The following RABGAP1L variants were observed in gnomAD, a reference collection of about 807,000 sequenced individuals.
RABGAP1L encodes the protein rab GTPase-activating protein 1-like.
A neutral mutation model predicts 137.7 loss-of-function variants in RABGAP1L; 63 were observed. The ratio of observed to expected loss-of-function variants is 0.46; its 90% CI spans 0.37 to 0.56. RABGAP1L has a LOEUF of 0.56. RABGAP1L is among the 20% of genes least tolerant of loss of function. The pLI is 0.00. For missense variants in RABGAP1L, 1,095 were observed against 1,244.0 expected (o/e 0.88, Z 1.80); for synonymous variants, 431 against 433.7 (o/e 0.99, Z 0.08).
chr1:174,595,966 T>C (rs1572438912), intron 13 of RABGAP1L, among the ~76,000 whole-genome samples: 1 of 102,490 alleles, frequency 9.8e-6, no homozygotes, highest in Non-Finnish European at 1.8e-5. Flanking sequence ...CGTTGCCGCC[T>C]TGCAGTTTGA....
chr1:174,360,976 G>A (rs1684088133), intron 11 of RABGAP1L, among the ~76,000 whole-genome samples: 1 of 152,186 alleles, frequency 6.6e-6, no homozygotes, highest in Non-Finnish European at 1.5e-5. Context: ...CTAACACGGT[G>A]AAACGCCGTC....
intron 13 of RABGAP1L, among the ~76,000 whole-genome samples, chr1:174,596,611 C>A (rs1175315098): frequency 6.6e-6 from 1 of 152,024 alleles, no homozygotes; most frequent in Non-Finnish European, 1.5e-5. Flanking sequence ...CTAATAATTT[C>A]TTGATTAAGT....
At chr1:174,175,623 C>CTTT (rs770897839) in intron 1 of RABGAP1L, among the ~76,000 whole-genome samples, 10 of 122,330 alleles carry the variant, frequency 8.2e-5, no homozygotes, top group Non-Finnish European at 8.4e-5. Flanking sequence ...CGCCCGGCTA[C>CTTT]TTTTTTTTTT....
intron 19 of RABGAP1L, among the ~76,000 whole-genome samples, chr1:174,814,445 T>G (rs930148083): frequency 1.1e-4 from 16 of 152,124 alleles, no homozygotes; most frequent in Non-Finnish European, 1.6e-4. Context: ...AGTGAATGAT[T>G]GTGAGGCAGA....
intron 7 of RABGAP1L, among the ~76,000 whole-genome samples, chr1:174,254,479 C>T (rs1672957335): frequency 6.6e-6 from 1 of 152,116 alleles, no homozygotes; most frequent in Non-Finnish European, 1.5e-5. Context: ...CTAATGCTCT[C>T]CCTTCCCTTG....
intron 11 of RABGAP1L, among the ~76,000 whole-genome samples, chr1:174,305,914 C>A (rs993555282): frequency 3.9e-5 from 6 of 152,110 alleles, no homozygotes; most frequent in Non-Finnish European, 8.8e-5. Context: ...ATCCCTCCCC[C>A]CTCCTCCCAC....
chr1:174,334,630 A>G (rs547806077), intron 11 of RABGAP1L, among the ~76,000 whole-genome samples: 32 of 152,148 alleles, frequency 2.1e-4, no homozygotes, highest in Non-Finnish European at 4.3e-4. Flanking sequence ...CCTCTGGGCT[A>G]TTGCACTTGC....
In RABGAP1L at chr1:174,250,945, C is replaced by T. The variant is rs1471134368; in HGVS notation, c.875+313C>T. Among the ~76,000 whole-genome samples, 9 of 152,126 alleles carry T rather than the reference C, an allele frequency of 5.9e-5. No individual in the cohort carries two copies. The East Asian group carries it at 9.6e-4, about 16-fold the overall frequency. On this transcript the variant is annotated intron_variant, in intron 6 of 25. Coordinates refer to ENST00000681986, the MANE Select transcript of RABGAP1L (RefSeq NM_001366446.1). ...CCTCCTAAGTAGCTGGGATTACAGGCGCCTGCCACCATGCCTGGCTCATTT... is the reference window on the plus strand; with the variant it reads ...CCTCCTAAGTAGCTGGGATTACAGGTGCCTGCCACCATGCCTGGCTCATTT...
At chr1:174,306,946 G>C (rs554552236) in intron 11 of RABGAP1L, among the ~76,000 whole-genome samples, 2 of 152,056 alleles carry the variant, frequency 1.3e-5, no homozygotes, top group South Asian at 4.2e-4. Flanking sequence ...TCTCAGTCTT[G>C]CTTCTGTATG....
chr1:174,893,387 T>C (rs1656595666), intron 19 of RABGAP1L, among the ~76,000 whole-genome samples: 1 of 152,138 alleles, frequency 6.6e-6, no homozygotes, highest in South Asian at 2.1e-4. Context: ...CTTTGGACTT[T>C]TATGCCTTTA....
At chr1:174,767,739 T>C (rs1653636) in intron 18 of RABGAP1L, among the ~76,000 whole-genome samples, 91,703 of 151,978 alleles carry the variant, frequency 0.6, 30,711 homozygotes, top group East Asian at 0.93. Flanking sequence ...AAATACAAGA[T>C]GTCATTGTAT....
intron 16 of RABGAP1L, chr1:174,701,214 G>T: frequency 7.9e-7 from 1 of 1,269,686 alleles, no homozygotes; most frequent in South Asian, 1.4e-5. Flanking sequence ...TGTTTAAATT[G>T]GGAGAAAAAA....
chr1:174,415,989 A>G (rs1040652215), intron 13 of RABGAP1L, among the ~76,000 whole-genome samples: 1 of 145,810 alleles, frequency 6.9e-6, no homozygotes, highest in Non-Finnish European at 1.5e-5. Context: ...CCTTAAATTA[A>G]GTACTTAAGG....
At chr1:174,209,771 G>C (rs766356553) in intron 1 of RABGAP1L, among the ~76,000 whole-genome samples, 3 of 152,170 alleles carry the variant, frequency 2.0e-5, no homozygotes, top group Non-Finnish European at 4.4e-5. Flanking sequence ...GCCAGGTAGT[G>C]CTTACAGCAG....
chr1:174,369,033 A>C (rs1684878780), intron 11 of RABGAP1L, among the ~76,000 whole-genome samples: 1 of 152,256 alleles, frequency 6.6e-6, no homozygotes, highest in Middle Eastern at 3.4e-3. Flanking sequence ...GCACATTATT[A>C]GTTACTGTGG....
chr1:174,466,765 C>T (rs948579777), intron 13 of RABGAP1L, among the ~76,000 whole-genome samples: 16 of 152,158 alleles, frequency 1.1e-4, no homozygotes, highest in Non-Finnish European at 2.1e-4. Flanking sequence ...CTAGTCTGGG[C>T]GAGAGAGCGA....
At chr1:174,836,996 C>T (rs1692815754) in intron 19 of RABGAP1L, among the ~76,000 whole-genome samples, 1 of 152,200 alleles carries the variant, frequency 6.6e-6, no homozygotes, top group Non-Finnish European at 1.5e-5. Context: ...CACCTGAGGT[C>T]AGGAGTTCAA....
chr1:174,855,377 T>C (rs559433845), intron 19 of RABGAP1L, among the ~76,000 whole-genome samples: 39 of 152,186 alleles, frequency 2.6e-4, no homozygotes, highest in Non-Finnish European at 4.1e-4. Flanking sequence ...AAGAGTTCAG[T>C]TGTGCTCTGT....
intron 19 of RABGAP1L, among the ~76,000 whole-genome samples, chr1:174,857,135 G>A (rs578093065): frequency 3.3e-5 from 5 of 152,070 alleles, no homozygotes; most frequent in Admixed American, 6.6e-5. Context: ...GCCCACTGTC[G>A]TCTGCTTTTA....
Sources: gnomAD v4.1 joint callset for allele counts (sites outside exome capture counted in the v4.1 genomes callset) on GRCh38, gnomAD v4.1.1 for gene constraint, MANE v1.5 for transcripts, NCBI Gene and HGNC (gene_info 2026-07-23, HGNC 2026-07-21) for gene names.